PRKCA: variants seen among roughly 807,000 people sequenced by gnomAD.
PRKCA encodes the protein protein kinase C alpha type.
A neutral mutation model predicts 87.0 loss-of-function variants in PRKCA; 27 were observed. The observed-to-expected ratio is 0.31, with a 90% CI of 0.23 to 0.43. PRKCA has a LOEUF of 0.43. Ranked by LOEUF, PRKCA falls within the 20% of genes least tolerant of loss-of-function variation. The pLI is 1.00. For missense variants in PRKCA, 518 were observed against 852.3 expected, an observed-to-expected ratio of 0.61 and a Z score of 4.88; for synonymous variants, 329 against 311.1, an observed-to-expected ratio of 1.06 and a Z score of -0.61.
intron 2 of PRKCA, among the ~76,000 whole-genome samples, chr17:66,330,221 T>G (rs1023980076): frequency 6.6e-6 from 1 of 152,040 alleles, no homozygotes; most frequent in African/African-American, 2.4e-5. Flanking sequence ...TTCTCCTGCC[T>G]TAGCCTCCCA....
At chr17:66,605,067 G>GGAAT (rs1970167951) in intron 3 of PRKCA, among the ~76,000 whole-genome samples, 1 of 152,130 alleles carries the variant, frequency 6.6e-6, no homozygotes, top group African/African-American at 2.4e-5. Flanking sequence ...CACTTGTCAC[G>GGAAT]TCATGGTGGA....
At chr17:66,755,438 C>G (rs1335434230) in intron 13 of PRKCA, among the ~76,000 whole-genome samples, 1 of 152,226 alleles carries the variant, frequency 6.6e-6, no homozygotes, top group African/African-American at 2.4e-5. Flanking sequence ...ACTTCACGCT[C>G]CTGGCTTCCT....
chr17:66,595,479 T>TTTTTTTTTTTTG (rs1969946464), intron 3 of PRKCA, among the ~76,000 whole-genome samples: 1 of 139,046 alleles, frequency 7.2e-6, no homozygotes, highest in South Asian at 2.3e-4. Context: ...TTTTTTTTTT[T>TTTTTTTTTTTTG]GAGACAGTCT....
Position 66,645,487 on chromosome 17 carries a change from G to T in PRKCA, c.505G>T (p.Ala169Ser). The T allele has an allele frequency of 6.2e-7, 1 of 1,614,216 alleles. No individual in the cohort carries two copies. Among genetic ancestry groups the T allele is most frequent in the Non-Finnish European group, 8.5e-7 (1 of 1,180,036 alleles). ...RGRIYLKAEV[A>S]DEKLHVTVRD... ...GCGGATTTACCTAAAGGCTGAGGTTGCTGATGAAAAGCTCCATGTCACAGG... is the reference window on the plus strand; with the variant it reads ...GCGGATTTACCTAAAGGCTGAGGTTTCTGATGAAAAGCTCCATGTCACAGG... Residue 169 changes from alanine (A) to serine (S), a missense_variant, in exon 5 of 17, where the codon GCT (alanine) becomes TCT (serine). Around this residue, in one of 5 missense-constraint regions of PRKCA, gnomAD observed 300 missense variants for 496.8 expected, o/e 0.60. Transcript: ENST00000413366.
At chr17:66,391,834 C>A (rs1335669971) in intron 2 of PRKCA, among the ~76,000 whole-genome samples, 2 of 152,156 alleles carry the variant, frequency 1.3e-5, no homozygotes, top group South Asian at 2.1e-4. Context: ...TGTGTGCACA[C>A]ACACATGTGC....
chr17:66,681,094 T>C (rs943845066), intron 5 of PRKCA, among the ~76,000 whole-genome samples: 2 of 152,052 alleles, frequency 1.3e-5, no homozygotes, highest in African/African-American at 4.8e-5. Context: ...CCAGGTGTGA[T>C]GGTGGGTGCT....
At chr17:66,640,989 C>T (rs1198884388) in intron 3 of PRKCA, 2 of 316,058 alleles carry the variant, frequency 6.3e-6, no homozygotes, top group South Asian at 2.5e-5. Context: ...GGTGAAACCC[C>T]ATCTCTACTA....
chr17:66,372,074 G>A (rs928990644), intron 2 of PRKCA, among the ~76,000 whole-genome samples: 1 of 152,172 alleles, frequency 6.6e-6, no homozygotes, highest in African/African-American at 2.4e-5. Flanking sequence ...TGGATGATAT[G>A]AAGATAGTAC....
chr17:66,801,195 C>G (rs1022573732), intron 16 of PRKCA, among the ~76,000 whole-genome samples: 1 of 152,216 alleles, frequency 6.6e-6, no homozygotes, highest in African/African-American at 2.4e-5. Flanking sequence ...GATCTTAGGA[C>G]CTACTCAGCC....
chr17:66,504,229 C>T (rs965732679), intron 3 of PRKCA, among the ~76,000 whole-genome samples: 1 of 152,168 alleles, frequency 6.6e-6, no homozygotes, highest in Non-Finnish European at 1.5e-5. Flanking sequence ...TTCCTGCCCT[C>T]CCAAGGCAGG....
rs78771588 is a variant in PRKCA, at chr17:66,580,073, G to A, written c.289-61282G>A. Among the ~76,000 whole-genome samples the A allele has an allele frequency of 2.6e-3, 393 of 152,228 alleles. 1 individual carries two copies. The highest frequency in any genetic ancestry group is 6.8e-3 in the Middle Eastern group (2 of 294). ...GGCGGCTTTCCACAAATAAATGAAA[G>A]GAATGGAGGGAAAATAGTTACAAAG... On this transcript the variant is annotated intron_variant, in intron 3 of 16. Coordinates refer to ENST00000413366, the MANE Select transcript of PRKCA (RefSeq NM_002737.3).
At chr17:66,515,555 C>CG (rs891558292) in intron 3 of PRKCA, among the ~76,000 whole-genome samples, 4 of 151,828 alleles carry the variant, frequency 2.6e-5, no homozygotes, top group Admixed American at 2.0e-4. Context: ...TCTTTTTTTG[C>CG]GGGGGGTAGG....
intron 2 of PRKCA, among the ~76,000 whole-genome samples, chr17:66,366,474 G>A (rs1347845514): frequency 2.6e-5 from 4 of 152,296 alleles, no homozygotes; most frequent in East Asian, 3.9e-4. Flanking sequence ...GTTAGAAGGC[G>A]ATTGGGCAGT....
intron 2 of PRKCA, among the ~76,000 whole-genome samples, chr17:66,484,086 C>T (rs1915899052): frequency 6.6e-6 from 1 of 152,090 alleles, no homozygotes; most frequent in African/African-American, 2.4e-5. Flanking sequence ...TACATGGTGT[C>T]AGGCAAGAAA....
At chr17:66,644,660 A>G (rs1390439498) in intron 4 of PRKCA, among the ~76,000 whole-genome samples, 1 of 152,190 alleles carries the variant, frequency 6.6e-6, no homozygotes, top group African/African-American at 2.4e-5. Context: ...TTAAAATATC[A>G]AATACAGGTT....
chr17:66,639,312 G>A (rs1431903506), intron 3 of PRKCA: 1 of 152,248 alleles, frequency 6.6e-6, no homozygotes, highest in Non-Finnish European at 1.5e-5. Flanking sequence ...GGAAAGCTAA[G>A]CAGGGTCGGG....
chr17:66,544,216 C>G (rs1179948641), intron 3 of PRKCA, among the ~76,000 whole-genome samples: 1 of 151,810 alleles, frequency 6.6e-6, no homozygotes, highest in Non-Finnish European at 1.5e-5. Flanking sequence ...ACAGCGAGAC[C>G]CCATCTCAAA....
intron 13 of PRKCA, among the ~76,000 whole-genome samples, chr17:66,748,571 G>A (rs1329427584): frequency 1.3e-5 from 2 of 152,306 alleles, no homozygotes; most frequent in Non-Finnish European, 2.9e-5. Context: ...TCCAGCAGAC[G>A]GGAGTGGGAT....
intron 2 of PRKCA, among the ~76,000 whole-genome samples, chr17:66,482,036 G>A (rs1010276481): frequency 6.9e-6 from 1 of 144,154 alleles, no homozygotes; most frequent in East Asian, 2.1e-4. Context: ...GGGAGGCGGA[G>A]GTTGCAGTGA....
Sources: allele counts gnomAD v4.1 joint callset (sites outside exome capture counted in the v4.1 genomes callset), GRCh38; gene constraint gnomAD v4.1.1; regional missense constraint gnomAD v4.1.1; transcripts MANE v1.5; gene names NCBI Gene and HGNC (gene_info 2026-07-23, HGNC 2026-07-21).